The following MDGA1 variants were observed in gnomAD, a reference collection of about 807,000 sequenced individuals.
MDGA1 encodes MAM domain-containing glycosylphosphatidylinositol anchor protein 1.
MDGA1 carries 54 observed loss-of-function variants against 101.5 expected under a neutral mutation model. The observed-to-expected ratio is 0.53, with a 90% CI of 0.43 to 0.67. The LOEUF (loss-of-function observed/expected upper bound fraction) is 0.67, where lower values mean the gene tolerates loss of function less well. MDGA1 is among the 30% of genes least tolerant of loss of function. The pLI is 0.00. For missense variants in MDGA1, 1,083 were observed against 1,323.8 expected, an observed-to-expected ratio of 0.82 and a Z score of 2.82; for synonymous variants, 533 against 558.3, an observed-to-expected ratio of 0.95 and a Z score of 0.64.
At chr6:37,690,892 T>C (rs942904196) in intron 1 of MDGA1, among the ~76,000 whole-genome samples, 3 of 152,092 alleles carry the variant, frequency 2.0e-5, no homozygotes, top group Admixed American at 2.0e-4. Context: ...TTCCTTAGCT[T>C]CCAGGCCTTT....
intron 1 of MDGA1, among the ~76,000 whole-genome samples, chr6:37,673,233 A>G (rs1470832223): frequency 1.3e-5 from 2 of 152,154 alleles, no homozygotes; most frequent in African/African-American, 4.8e-5. Flanking sequence ...CTCACAGCTC[A>G]GCACGGAGCC....
intron 1 of MDGA1, among the ~76,000 whole-genome samples, chr6:37,673,457 G>A (rs1581618235): frequency 6.6e-6 from 1 of 152,264 alleles, no homozygotes; most frequent in East Asian, 1.9e-4. Context: ...AGAGAATGGC[G>A]GTCGGGGGCC....
chr6:37,682,300 C>G (rs1762112393), intron 1 of MDGA1, among the ~76,000 whole-genome samples: 1 of 152,198 alleles, frequency 6.6e-6, no homozygotes, highest in African/African-American at 2.4e-5. Context: ...GCCTGGCCAA[C>G]ATAGCGAAAC....
At position 37,635,728 on chromosome 6, in the gene MDGA1, T is replaced by C; in HGVS notation, c.*1640A>G. ...CTGTGATGCTCCTCACCAAAGGTGC[T>C]TGCATTCAATAGGGTCATCTGTAAG... is the stretch of plus-strand genomic sequence containing the variant. On this transcript the variant is annotated 3_prime_UTR_variant, in exon 17 of 17. Coordinates refer to ENST00000434837, the MANE Select transcript of MDGA1 (RefSeq NM_153487.4). The C allele has an allele frequency of 2.5e-6, 1 of 398,572 alleles. No homozygotes were observed. The highest frequency in any genetic ancestry group is 3.6e-5 in the East Asian group (1 of 28,100). 24.7% of individuals were successfully genotyped at this position (398,572 alleles called of 1,614,324 possible). A position where few individuals can be genotyped will look rare whatever the true frequency, so the allele number is the denominator to read the frequency against.
Position 37,696,679 on chromosome 6 carries a change from C to A in MDGA1, c.67+66G>T. ...CTCCACCAAACCCCGGCAGCGCGCA[C>A]TTTGCGCCTCTTGCAAAGTTTCCGC... On this transcript the variant is annotated intron_variant, in intron 1 of 16. Coordinates refer to ENST00000434837, the MANE Select transcript of MDGA1 (RefSeq NM_153487.4). The surrounding 1 kb of genome is among the most constrained non-coding windows in gnomAD (Gnocchi z 5.6). 1.4e-6 allele frequency: 2 copies of A among 1,476,100 alleles called. No individual in the cohort carries two copies. The highest frequency in any genetic ancestry group is 1.9e-6 in the Non-Finnish European group (2 of 1,078,054). 91.4% of individuals were successfully genotyped at this position (1,476,100 alleles called of 1,614,324 possible). A position where few individuals can be genotyped will look rare whatever the true frequency, so the allele number is the denominator to read the frequency against.
intron 16 of MDGA1, chr6:37,637,940 C>G: frequency 1.8e-6 from 1 of 565,828 alleles, no homozygotes; most frequent in African/African-American, 1.9e-5. Flanking sequence ...TGTATTCAGA[C>G]ACAGGCACAG....
chr6:37,681,785 G>C (rs989616667), intron 1 of MDGA1, among the ~76,000 whole-genome samples: 1 of 152,022 alleles, frequency 6.6e-6, no homozygotes, highest in South Asian at 2.1e-4. Context: ...CAACAGAAGA[G>C]GAGGAGGGGA....
chr6:37,680,705 C>T (rs778239674), intron 1 of MDGA1, among the ~76,000 whole-genome samples: 6 of 152,212 alleles, frequency 3.9e-5, no homozygotes, highest in Non-Finnish European at 5.9e-5. Context: ...ACTGCACCAG[C>T]GCTTTTCAAA....
chr6:37,695,168 T>C (rs1055742662), intron 1 of MDGA1, among the ~76,000 whole-genome samples: 6 of 151,996 alleles, frequency 3.9e-5, no homozygotes, highest in African/African-American at 1.5e-4. Context: ...GACAGCAGCA[T>C]GCAGGAAGGG....
intron 12 of MDGA1, among the ~76,000 whole-genome samples, chr6:37,645,572 A>G (rs535740047): frequency 9.9e-5 from 15 of 152,234 alleles, no homozygotes; most frequent in African/African-American, 2.9e-4. Context: ...ATGCCTTTCC[A>G]TGTTCATAGA....
chr6:37,647,507 G>T (rs1049032297), intron 9 of MDGA1, among the ~76,000 whole-genome samples, 183 bp from the exon 10 acceptor site: 5 of 152,050 alleles, frequency 3.3e-5, no homozygotes, highest in African/African-American at 1.2e-4. Flanking sequence ...GGAAAACGAG[G>T]ATGGGATAGG....
At chr6:37,671,495 G>A (rs186207727) in intron 1 of MDGA1, among the ~76,000 whole-genome samples, 1 of 152,246 alleles carries the variant, frequency 6.6e-6, no homozygotes, top group East Asian at 1.9e-4. Flanking sequence ...GTCACCCTTG[G>A]GGCAGCATCC....
At chr6:37,665,658 G>A (rs995809001) in intron 1 of MDGA1, among the ~76,000 whole-genome samples, 6 of 152,190 alleles carry the variant, frequency 3.9e-5, no homozygotes, top group African/African-American at 1.4e-4. Context: ...ACAAGAGACT[G>A]ATTTCAGTAG....
intron 13 of MDGA1, 52 bp from the exon 14 acceptor site, chr6:37,643,995 TC>T: frequency 6.2e-7 from 1 of 1,601,966 alleles, no homozygotes; most frequent in Non-Finnish European, 8.5e-7. Flanking sequence ...CCAGGCCTCT[TC>T]CTACCTGATT....
intron 1 of MDGA1, among the ~76,000 whole-genome samples, chr6:37,689,315 C>T (rs996559272): frequency 6.6e-6 from 1 of 152,218 alleles, no homozygotes; most frequent in African/African-American, 2.4e-5. Flanking sequence ...TCCAGATGTG[C>T]AAATCTACCT....
In MDGA1 at chr6:37,664,054, C is replaced by T; in HGVS notation, c.120G>A (p.Glu40=). ...TGTAGACACGCTCGCTGATATTGTCCTCTTTCACCACACATGCCTGGCCCG... is the reference window on the plus strand; with the variant it reads ...TGTAGACACGCTCGCTGATATTGTCTTCTTTCACCACACATGCCTGGCCCG... ...VHAGQACVVK[E]DNISERVYTI... Residue 40 remains glutamate, a synonymous_variant, in exon 2 of 17, where the codon GAG becomes GAA. Coordinates refer to ENST00000434837, the MANE Select transcript of MDGA1 (RefSeq NM_153487.4). The T allele has an allele frequency of 6.2e-7, 1 of 1,613,910 alleles. No individual in the cohort carries two copies. Among genetic ancestry groups the T allele is most frequent in the Non-Finnish European group, 8.5e-7 (1 of 1,179,872 alleles).
At position 37,632,347 on chromosome 6, in the gene MDGA1, G is replaced by T. The variant is rs1405458743; in HGVS notation, c.*5021C>A. The T allele has an allele frequency of 6.6e-6, 1 of 152,102 alleles. No homozygotes were observed. Among genetic ancestry groups the T allele is most frequent in the African/African-American group, 2.4e-5 (1 of 41,344 alleles). The allele number at this position is 152,102 out of a possible 1,614,324, so 9.4% of individuals were successfully genotyped here. On this transcript the variant is annotated 3_prime_UTR_variant, in exon 17 of 17. Transcript: ENST00000434837. Reference sequence around the variant, plus strand: ...GAACAAATGCACACAAGTTCACTGGGAGCAGACCAGGATGCAGGTCCTCAC... The same window carrying T: ...GAACAAATGCACACAAGTTCACTGGTAGCAGACCAGGATGCAGGTCCTCAC...
chr6:37,635,717 A>G lies in MDGA1; in HGVS notation c.*1651T>C. ...CAGAAGGAGCCCTGTGATGCTCCTC[A>G]CCAAAGGTGCTTGCATTCAATAGGG... On this transcript the variant is annotated 3_prime_UTR_variant, in exon 17 of 17. Transcript: ENST00000434837. 2.5e-6 allele frequency: 1 copy of G among 398,698 alleles called. No homozygotes were observed. The allele number at this position is 398,698 out of a possible 1,614,324, so 24.7% of individuals were successfully genotyped here.
chr6:37,664,547 A>C (rs1002047580), intron 1 of MDGA1, among the ~76,000 whole-genome samples: 3 of 150,894 alleles, frequency 2.0e-5, no homozygotes, highest in Non-Finnish European at 4.4e-5. Context: ...TAGCCAAGAG[A>C]GCTGCCTTGG....
Sources: allele counts gnomAD v4.1 joint callset (sites outside exome capture counted in the v4.1 genomes callset), GRCh38; gene constraint gnomAD v4.1.1; non-coding constraint Gnocchi (gnomAD v3.1); transcripts MANE v1.5; gene names NCBI Gene and HGNC (gene_info 2026-07-23, HGNC 2026-07-21).